MTUS2: variants seen among roughly 807,000 people sequenced by gnomAD.
MTUS2 encodes the protein microtubule-associated tumor suppressor candidate 2.
A neutral mutation model predicts 114.1 loss-of-function variants in MTUS2; 40 were observed. The ratio of observed to expected loss-of-function variants is 0.35; its 90% CI spans 0.27 to 0.46. MTUS2 has a LOEUF of 0.46. Ranked by LOEUF, MTUS2 falls within the 20% of genes least tolerant of loss-of-function variation. The probability of loss-of-function intolerance (pLI) is 1.00; values close to 1 mark genes in which losing one functional copy is unlikely to be tolerated. For missense variants in MTUS2, 1,679 were observed against 1,705.4 expected (o/e 0.98, Z 0.27); for synonymous variants, 688 against 672.0 (o/e 1.02, Z -0.37).
intron 8 of MTUS2, among the ~76,000 whole-genome samples, chr13:29,364,868 C>A (rs1037719516): frequency 6.6e-6 from 1 of 152,162 alleles, no homozygotes; most frequent in Non-Finnish European, 1.5e-5. Context: ...TTGTGCCTCT[C>A]CCACTTATAA....
chr13:29,420,245 T>G (rs1358000976), intron 8 of MTUS2, among the ~76,000 whole-genome samples: 2 of 148,406 alleles, frequency 1.3e-5, no homozygotes, highest in African/African-American at 5.2e-5. Context: ...CTTACTTTCT[T>G]TCTTTCTTTC....
intron 9 of MTUS2, among the ~76,000 whole-genome samples, chr13:29,451,498 A>G (rs960862757): frequency 6.6e-6 from 1 of 152,210 alleles, no homozygotes; most frequent in African/African-American, 2.4e-5. Flanking sequence ...AGAAATATAT[A>G]CCAAGCTCTT....
chr13:29,390,547 G>A (rs1469512456), intron 8 of MTUS2, among the ~76,000 whole-genome samples: 2 of 151,236 alleles, frequency 1.3e-5, no homozygotes, highest in Non-Finnish European at 2.9e-5. Context: ...CAGCTACCCA[G>A]GAGGCTGAGG....
intron 9 of MTUS2, chr13:29,476,820 T>C (rs1880740232): frequency 6.6e-6 from 1 of 152,224 alleles, no homozygotes; most frequent in African/African-American, 2.4e-5. Flanking sequence ...TATCAGAACA[T>C]TTCATCTTTA....
chr13:29,044,071 G>A (rs1378724980), intron 4 of MTUS2, among the ~76,000 whole-genome samples: 5 of 151,846 alleles, frequency 3.3e-5, no homozygotes, highest in African/African-American at 1.2e-4. Context: ...ATTTCTTTGT[G>A]CAGATCCTCA....
chr13:29,379,678 A>G (rs867498190), intron 8 of MTUS2, among the ~76,000 whole-genome samples: 5 of 152,302 alleles, frequency 3.3e-5, no homozygotes, highest in Middle Eastern at 3.4e-3. Flanking sequence ...CAAGCAAGGA[A>G]TCCACTCAGG....
At chr13:28,992,455 TG>T (rs930094260) in intron 2 of MTUS2, among the ~76,000 whole-genome samples, 33 of 152,110 alleles carry the variant, frequency 2.2e-4, no homozygotes, top group African/African-American at 8.0e-4. Flanking sequence ...TTCCAGCTGG[TG>T]GGGGGTAAGA....
chr13:29,422,372 G>A (rs1194821614), intron 8 of MTUS2, among the ~76,000 whole-genome samples: 3 of 152,054 alleles, frequency 2.0e-5, no homozygotes, highest in Admixed American at 6.5e-5. Flanking sequence ...TGAGAGTTAC[G>A]TGAGATACAG....
rs146937924 is a variant in MTUS2, at chr13:29,185,071, G to T, written c.2644+84101G>T. On this transcript the variant is annotated intron_variant, in intron 5 of 15. Coordinates refer to ENST00000612955, the MANE Select transcript of MTUS2 (RefSeq NM_001033602.4). The stretch of plus-strand genomic sequence containing the variant: ...TCCCTAAATATAAAATATCAAAAAA[G>T]ATACAAAAGTTTTTGTTTTAGAAAA... Among the ~76,000 whole-genome samples, 1,169 of 152,072 alleles carry T rather than the reference G, an allele frequency of 7.7e-3. 6 individuals are homozygous for T. Among genetic ancestry groups the T allele is most frequent in the South Asian group, 0.013 (65 of 4,816 alleles).
chr13:29,242,368 G>T (rs1160713380), intron 5 of MTUS2, among the ~76,000 whole-genome samples: 2 of 152,136 alleles, frequency 1.3e-5, no homozygotes, highest in African/African-American at 4.8e-5. Context: ...TGCTTCTGAG[G>T]CTCATCTGTC....
chr13:29,282,843 G>A (rs1898329626), intron 6 of MTUS2, among the ~76,000 whole-genome samples: 1 of 152,124 alleles, frequency 6.6e-6, no homozygotes, highest in African/African-American at 2.4e-5. Context: ...CTTACTCAAT[G>A]TAGGTCATAG....
intron 4 of MTUS2, among the ~76,000 whole-genome samples, chr13:29,089,167 G>T (rs180865577): frequency 6.6e-6 from 1 of 152,244 alleles, no homozygotes; most frequent in African/African-American, 2.4e-5. Flanking sequence ...ATTTTCCCTA[G>T]AATTTGCTTG....
intron 6 of MTUS2, among the ~76,000 whole-genome samples, chr13:29,321,249 A>C (rs76203527): frequency 6.6e-6 from 1 of 152,172 alleles, no homozygotes; most frequent in Non-Finnish European, 1.5e-5. Flanking sequence ...ACCTTGGTCC[A>C]GGTCTAAGGA....
intron 5 of MTUS2, among the ~76,000 whole-genome samples, chr13:29,232,671 C>T (rs1370106286): frequency 6.6e-6 from 1 of 152,126 alleles, no homozygotes. Flanking sequence ...ACCTTTTGCT[C>T]ATTTTTAGCT....
At chr13:29,332,087 G>A (rs768740917) in intron 7 of MTUS2, among the ~76,000 whole-genome samples, 1 of 152,208 alleles carries the variant, frequency 6.6e-6, no homozygotes, top group Non-Finnish European at 1.5e-5. Context: ...ATGAGTTAGG[G>A]AGGAGTCCTT....
chr13:29,247,022 AG>A (rs1896951564), intron 5 of MTUS2, among the ~76,000 whole-genome samples: 1 of 152,240 alleles, frequency 6.6e-6, no homozygotes, highest in African/African-American at 2.4e-5. Context: ...CTATACTGTA[AG>A]GATATATTCA....
At chr13:29,092,598 G>A (rs931325714) in intron 4 of MTUS2, among the ~76,000 whole-genome samples, 1 of 152,090 alleles carries the variant, frequency 6.6e-6, no homozygotes, top group Non-Finnish European at 1.5e-5. Flanking sequence ...GCTGGGCCAG[G>A]GGCACACCTG....
chr13:28,880,580 A>T (rs563954017), intron 2 of MTUS2, among the ~76,000 whole-genome samples: 1 of 152,260 alleles, frequency 6.6e-6, no homozygotes, highest in Admixed American at 6.5e-5. Flanking sequence ...AAAACAAGTC[A>T]TAATGTAACA....
In MTUS2 at chr13:29,365,922, A is replaced by C. The variant is rs1371040365; in HGVS notation, c.3117+6449A>C. On this transcript the variant is annotated intron_variant, in intron 8 of 15. Transcript: ENST00000612955. ...AATATTCAAAAATCATGACTCTCTAACAAGAGGAGATATGGTTTTCTCAGC... is the reference window on the plus strand; with the variant it reads ...AATATTCAAAAATCATGACTCTCTACCAAGAGGAGATATGGTTTTCTCAGC... Among the ~76,000 whole-genome samples, 3 of 152,344 alleles carry C rather than the reference A, an allele frequency of 2.0e-5. No individual in the cohort carries two copies. The East Asian group carries it at 5.8e-4, about 29-fold the overall frequency.
Sources: allele counts gnomAD v4.1 joint callset (sites outside exome capture counted in the v4.1 genomes callset), GRCh38; gene constraint gnomAD v4.1.1; transcripts MANE v1.5; gene names NCBI Gene and HGNC (gene_info 2026-07-23, HGNC 2026-07-21).